The following DLG2 variants were observed in gnomAD, a reference collection of about 807,000 sequenced individuals.
DLG2 encodes disks large homolog 2.
DLG2 carries 45 observed loss-of-function variants against 132.5 expected under a neutral mutation model. The observed-to-expected ratio is 0.34, with a 90% CI of 0.27 to 0.44. The LOEUF is 0.44. DLG2 is among the 20% of genes least tolerant of loss of function. The pLI is 1.00. For synonymous variants in DLG2, 424 were observed against 419.6 expected (o/e 1.01, Z -0.13); for missense variants, 1,045 against 1,196.9 (o/e 0.87, Z 1.87).
At chr11:85,568,417 G>A (rs1307938457) in intron 3 of DLG2, among the ~76,000 whole-genome samples, 2 of 152,092 alleles carry the variant, frequency 1.3e-5, no homozygotes, top group African/African-American at 4.8e-5. Flanking sequence ...TTTGGTATCA[G>A]AGTAATATGG....
intron 6 of DLG2, among the ~76,000 whole-genome samples, chr11:84,867,183 G>C (rs1235188603): frequency 6.6e-6 from 1 of 152,160 alleles, no homozygotes; most frequent in Non-Finnish European, 1.5e-5. Context: ...TAGAGTGAGA[G>C]ACACATACAG....
intron 6 of DLG2, among the ~76,000 whole-genome samples, chr11:84,961,546 G>A (rs1348867444): frequency 6.6e-6 from 1 of 151,448 alleles, no homozygotes; most frequent in Non-Finnish European, 1.5e-5. Context: ...GTGTGTGTGT[G>A]TGTGTGTGTG....
chr11:85,619,101 T>C (rs1186351953), intron 2 of DLG2, among the ~76,000 whole-genome samples: 1 of 152,252 alleles, frequency 6.6e-6, no homozygotes. Flanking sequence ...CTGGAATTCA[T>C]TCTATTTATG....
intron 15 of DLG2, among the ~76,000 whole-genome samples, chr11:83,881,971 A>C (rs530556840): frequency 3.2e-4 from 48 of 152,158 alleles, no homozygotes; most frequent in Admixed American, 2.6e-3. Flanking sequence ...GAGAGAGATA[A>C]GATCAAAAAA....
rs185111579 is a variant in DLG2 at position 84,953,308 on chromosome 11, A to G, written c.357+158353T>C. ...CAGCCATATCTTCTGCTAAAACACA[A>G]TGACACAGTCAAGTCTGAAGTTCCC... On this transcript the variant is annotated intron_variant, in intron 6 of 27. Transcript: ENST00000376104. Among the ~76,000 whole-genome samples the G allele has an allele frequency of 4.1e-4, 62 of 152,278 alleles. 1 individual carries two copies. The highest frequency in any genetic ancestry group is 7.6e-4 in the Non-Finnish European group (52 of 68,006).
At chr11:83,727,449 G>A (rs915806351) in intron 18 of DLG2, among the ~76,000 whole-genome samples, 1 of 152,184 alleles carries the variant, frequency 6.6e-6, no homozygotes, top group South Asian at 2.1e-4. Flanking sequence ...AAAACTCAGT[G>A]GATTCAGGTG....
chr11:83,682,538 A>G, intron 18 of DLG2: 1 of 791,660 alleles, frequency 1.3e-6, no homozygotes. Context: ...GTGTTCCCCT[A>G]CACCTTGTTA....
At chr11:83,974,286 A>G (rs1347522258) in intron 12 of DLG2, among the ~76,000 whole-genome samples, 1 of 152,088 alleles carries the variant, frequency 6.6e-6, no homozygotes, top group Non-Finnish European at 1.5e-5. Context: ...TTTACCAAAA[A>G]TAATAACAAT....
In DLG2 at chr11:85,258,276, C is replaced by G. The variant is rs534739182; in HGVS notation, c.186+26944G>C. Among the ~76,000 whole-genome samples, 5 of 152,192 alleles carry G rather than the reference C, an allele frequency of 3.3e-5. No individual in the cohort carries two copies. In the South Asian group the frequency reaches 6.2e-4, roughly 19 times the overall value. On this transcript the variant is annotated intron_variant, in intron 4 of 27. Coordinates refer to ENST00000376104, the MANE Select transcript of DLG2 (RefSeq NM_001142699.3). ...GTCCTCTCCACTATTTCTTATCCCT[C>G]TAAAACTGGAATTGAAAAGAATAAT... is the stretch of plus-strand genomic sequence containing the variant.
chr11:84,077,016 C>T (rs529905981), intron 10 of DLG2, among the ~76,000 whole-genome samples: 3 of 152,314 alleles, frequency 2.0e-5, no homozygotes, highest in African/African-American at 7.2e-5. Flanking sequence ...TTTTAAAGAT[C>T]TCACCAGATC....
In DLG2 at chr11:84,230,641, T is replaced by A. The variant is rs892041815; in HGVS notation, c.573+20597A>T. The stretch of plus-strand genomic sequence containing the variant: ...AAAGATATGTGAGCACAAAACTGAA[T>A]ACATGATCAACTCCATATGGAAAGC... On this transcript the variant is annotated intron_variant, in intron 8 of 27. Transcript: ENST00000376104. Among the ~76,000 whole-genome samples the A allele has an allele frequency of 1.6e-4, 24 of 152,218 alleles. No homozygotes were observed. The Middle Eastern group carries it at 0.01, about 65-fold the overall frequency.
At chr11:84,813,438 G>A (rs985675133) in intron 6 of DLG2, among the ~76,000 whole-genome samples, 1 of 152,030 alleles carries the variant, frequency 6.6e-6, no homozygotes, top group South Asian at 2.1e-4. Flanking sequence ...AAAGATACCT[G>A]ATTAGAAAAT....
At chr11:84,354,840 A>G (rs2098601504) in intron 7 of DLG2, among the ~76,000 whole-genome samples, 1 of 152,164 alleles carries the variant, frequency 6.6e-6, no homozygotes, top group Admixed American at 6.5e-5. Flanking sequence ...TCCAAAGAGA[A>G]GTATTAAGGG....
intron 6 of DLG2, among the ~76,000 whole-genome samples, chr11:84,749,101 C>T (rs1322625297): frequency 6.6e-6 from 1 of 152,134 alleles, no homozygotes; most frequent in Non-Finnish European, 1.5e-5. Flanking sequence ...TTATAACCCA[C>T]CCTCCCTTAT....
chr11:84,357,418 C>T (rs1315503533), intron 7 of DLG2, among the ~76,000 whole-genome samples: 1 of 152,036 alleles, frequency 6.6e-6, no homozygotes, highest in Non-Finnish European at 1.5e-5. Context: ...CTGACCAGGT[C>T]ATACCATCCT....
At chr11:85,414,204 G>A (rs375273170) in intron 3 of DLG2, among the ~76,000 whole-genome samples, 33 of 152,040 alleles carry the variant, frequency 2.2e-4, no homozygotes, top group East Asian at 2.1e-3. Context: ...CAGCTTTGTC[G>A]TTGTTGGTGT....
At chr11:85,527,280 C>A (rs1034015456) in intron 3 of DLG2, among the ~76,000 whole-genome samples, 5 of 151,162 alleles carry the variant, frequency 3.3e-5, no homozygotes, top group Non-Finnish European at 7.4e-5. Context: ...CTGCACCTAT[C>A]GACCCATCAT....
At chr11:84,461,667 T>A (rs2099080513) in intron 7 of DLG2, among the ~76,000 whole-genome samples, 1 of 150,986 alleles carries the variant, frequency 6.6e-6, no homozygotes, top group African/African-American at 2.4e-5. Context: ...TGGGTGAGAA[T>A]TTAGAAGTAA....
At chr11:84,490,065 C>T (rs926175392) in intron 7 of DLG2, among the ~76,000 whole-genome samples, 3 of 152,064 alleles carry the variant, frequency 2.0e-5, no homozygotes, top group East Asian at 1.9e-4. Context: ...TAACAAATAT[C>T]GAGAAATCAG....
Sources: gnomAD v4.1 joint callset for allele counts (sites outside exome capture counted in the v4.1 genomes callset) on GRCh38, gnomAD v4.1.1 for gene constraint, MANE v1.5 for transcripts, NCBI Gene and HGNC (gene_info 2026-07-23, HGNC 2026-07-21) for gene names.